Variants in GIPC3 observed in about 807,000 individuals in gnomAD.
GIPC3 encodes PDZ domain-containing protein GIPC3.
A neutral mutation model predicts 27.3 loss-of-function variants in GIPC3; 16 were observed. The observed-to-expected ratio is 0.59, with a 90% CI of 0.40 to 0.89. The LOEUF is 0.89. Ranked by LOEUF, GIPC3 falls within the 40% of genes least tolerant of loss-of-function variation. GIPC3 has a pLI of 0.00. For missense variants in GIPC3, 440 were observed against 442.1 expected, an observed-to-expected ratio of 1.00 and a Z score of 0.04; for synonymous variants, 194 against 184.6, an observed-to-expected ratio of 1.05 and a Z score of -0.41.
rs1235300165 is a variant in GIPC3, at chr19:3,592,281, G to A, written c.*2091G>A. 2.0e-5 allele frequency: 25 copies of A among 1,231,962 alleles called. No individual in the cohort carries two copies. Among genetic ancestry groups the A allele is most frequent in the Non-Finnish European group, 2.3e-5 (23 of 988,030 alleles). 76.3% of individuals were successfully genotyped at this position (1,231,962 alleles called of 1,614,324 possible). A position where few individuals can be genotyped will look rare whatever the true frequency, so the allele number is the denominator to read the frequency against. On this transcript the variant is annotated 3_prime_UTR_variant, in exon 6 of 6. Coordinates refer to ENST00000644452, the MANE Select transcript of GIPC3 (RefSeq NM_133261.3). ...ATACCAGCTCCAGACCACAGCCCCA[G>A]ACAGCTCTGGTATTCAACTGGACTT...
chr19:3,585,975 C>A (rs1244244839), intron 1 of GIPC3, among the ~76,000 whole-genome samples, 153 bp downstream of exon 1: 1 of 152,224 alleles, frequency 6.6e-6, no homozygotes, highest in East Asian at 1.9e-4. Flanking sequence ...GCCCTCAGAT[C>A]CCGGGGTGCC....
chr19:3,585,738 C>G lies in GIPC3; in HGVS notation c.141C>G (p.Ser47Arg), dbSNP rs1182402374. The G allele has an allele frequency of 6.5e-7, 1 of 1,537,188 alleles. No individual in the cohort carries two copies. The change falls in exon 1 of 6, where the codon AGC (serine) becomes AGG (arginine). Residue 47 changes from serine (S) to arginine (R), a missense_variant. By Grantham distance (110) the Ser-to-Arg change is moderately radical. Transcript: ENST00000644452. ...LVFRTQLAHG[S>R]PTGKIEGFTN... ...TCCGCACGCAGCTGGCGCACGGGAG[C>G]CCCACGGGCAAGATCGAGGGCTTCA...
Position 3,591,418 on chromosome 19 carries a change from C to T in GIPC3, c.*1228C>T. The stretch of plus-strand genomic sequence containing the variant: ...ATCCAGGCTAGCTCGGAGACCAAGC[C>T]CTGCTGGAAAACTCAAGCTGACTCT... On this transcript the variant is annotated 3_prime_UTR_variant, in exon 6 of 6. Coordinates refer to ENST00000644452, the MANE Select transcript of GIPC3 (RefSeq NM_133261.3). 8.1e-7 allele frequency: 1 copy of T among 1,232,298 alleles called. No homozygotes were observed. Among genetic ancestry groups the T allele is most frequent in the Non-Finnish European group, 1.0e-6 (1 of 988,154 alleles). The allele number at this position is 1,232,298 out of a possible 1,614,324, so 76.3% of individuals were successfully genotyped here. A position where few individuals can be genotyped will look rare whatever the true frequency, so the allele number is the denominator to read the frequency against.
rs112193642 is a variant in GIPC3 at position 3,592,354 on chromosome 19, C to A, written c.*2164C>A. On this transcript the variant is annotated 3_prime_UTR_variant, in exon 6 of 6. Coordinates refer to ENST00000644452, the MANE Select transcript of GIPC3 (RefSeq NM_133261.3). Reference sequence around the variant, plus strand: ...AGTCAGCTTAGCTTTGGAACTCAGCCCAGCTCTGGGACCCAGATAAGCTCA... The same window carrying A: ...AGTCAGCTTAGCTTTGGAACTCAGCACAGCTCTGGGACCCAGATAAGCTCA... 4.8e-4 allele frequency: 588 copies of A among 1,232,062 alleles called. 1 individual carries two copies. In the African/African-American group the frequency reaches 7.4e-3, roughly 16 times the overall value. The allele number at this position is 1,232,062 out of a possible 1,614,324, so 76.3% of individuals were successfully genotyped here. A position where few individuals can be genotyped will look rare whatever the true frequency, so the allele number is the denominator to read the frequency against.
Position 3,590,180 on chromosome 19 carries a change from C to A in GIPC3, c.929C>A (p.Ala310Asp), listed in dbSNP as rs764255349. ...GCCGCCATCGGCGAGGCCAGAGAGG[C>A]CTGTGGCTAGTTTGCCCTGGGGGGG... ...VWAAIGEARE[A>D]CG Residue 310 changes from alanine to aspartate, a missense_variant, in exon 6 of 6, where the codon GCC becomes GAC. Coordinates refer to ENST00000644452, the MANE Select transcript of GIPC3 (RefSeq NM_133261.3). 1 of 1,599,864 alleles carries A rather than the reference C, an allele frequency of 6.3e-7. No homozygotes were observed. The highest frequency in any genetic ancestry group is 8.5e-7 in the Non-Finnish European group (1 of 1,174,220).
intron 3 of GIPC3, among the ~76,000 whole-genome samples, chr19:3,588,050 G>A (rs1018762051): frequency 6.6e-6 from 1 of 151,562 alleles, no homozygotes; most frequent in Admixed American, 6.6e-5. Flanking sequence ...TGTTGCCCAG[G>A]CTGGAGTGCA....
chr19:3,589,637 TC>T, intron 4 of GIPC3, 82 bp downstream of exon 4: 10 of 1,286,144 alleles, frequency 7.8e-6, no homozygotes, highest in Non-Finnish European at 1.1e-5. Context: ...GGTAAGAACT[TC>T]TCCTCGGAGC....
In GIPC3 at chr19:3,586,846, C is replaced by T; in HGVS notation, c.444C>T (p.Ile148=). The T allele has an allele frequency of 6.2e-7, 1 of 1,613,622 alleles. No individual in the cohort carries two copies. Among genetic ancestry groups the T allele is most frequent in the Non-Finnish European group, 8.5e-7 (1 of 1,179,984 alleles). ...AGGAAGGCAGTATCATCAACCGGATCGAGGCAGTGTGCGTGGGTGACAGCA... is the reference window on the plus strand; with the variant it reads ...AGGAAGGCAGTATCATCAACCGGATTGAGGCAGTGTGCGTGGGTGACAGCA... ...RIKEGSIINR[I]EAVCVGDSIE... The change falls in exon 3 of 6, where the codon ATC becomes ATT. Residue 148 remains isoleucine (I), a synonymous_variant. Coordinates refer to ENST00000644452, the MANE Select transcript of GIPC3 (RefSeq NM_133261.3).
intron 2 of GIPC3, 66 bp downstream of exon 2, chr19:3,586,746 G>A (rs2032374039): frequency 1.2e-6 from 2 of 1,610,594 alleles, no homozygotes; most frequent in Non-Finnish European, 1.7e-6. Flanking sequence ...ACTCTGGGTC[G>A]ACGTGGGTTC....
rs2032378309 is a variant in GIPC3 at position 3,586,936 on chromosome 19, G to A, written c.534G>A (p.Arg178=). 6.2e-7 allele frequency: 1 copy of A among 1,613,254 alleles called. No homozygotes were observed. Among genetic ancestry groups the A allele is most frequent in the African/African-American group, 1.3e-5 (1 of 74,944 alleles). The part of the protein sequence containing the change: ...CRHYEVAKML[R]ELPKSQPFTL... Reference sequence around the variant, plus strand: ...ACTACGAGGTGGCCAAGATGCTCCGGGAGCTGCCCAAGTCCCAGCCCTTCA... The same window carrying A: ...ACTACGAGGTGGCCAAGATGCTCCGAGAGCTGCCCAAGTCCCAGCCCTTCA... Residue 178 remains arginine (R), a synonymous_variant, in exon 3 of 6, where the codon CGG becomes CGA. Coordinates refer to ENST00000644452, the MANE Select transcript of GIPC3 (RefSeq NM_133261.3).
At position 3,593,433 on chromosome 19, in the gene GIPC3, G is replaced by A. The variant is rs919763718; in HGVS notation, c.*3243G>A. 2.5e-5 allele frequency: 17 copies of A among 685,044 alleles called. No individual in the cohort carries two copies. Among genetic ancestry groups the A allele is most frequent in the South Asian group, 1.6e-4 (2 of 12,754 alleles). The allele number at this position is 685,044 out of a possible 1,614,324, so 42.4% of individuals were successfully genotyped here. On this transcript the variant is annotated 3_prime_UTR_variant, in exon 6 of 6. Coordinates refer to ENST00000644452, the MANE Select transcript of GIPC3 (RefSeq NM_133261.3). ...CGGTGGTGAAAACAGGGGCTTCACCGGTCCTGGCTCAGATCCAGGTCCTTG... is the reference window on the plus strand; with the variant it reads ...CGGTGGTGAAAACAGGGGCTTCACCAGTCCTGGCTCAGATCCAGGTCCTTG...
rs1264959362 is a variant in GIPC3 at position 3,592,128 on chromosome 19, G to A, written c.*1938G>A. On this transcript the variant is annotated 3_prime_UTR_variant, in exon 6 of 6. Coordinates refer to ENST00000644452, the MANE Select transcript of GIPC3 (RefSeq NM_133261.3). ...TAGTCCTGGGACCCAGGCCATCGCA[G>A]CAATAGAATTAAGCTCCACAGCCCT... The A allele has an allele frequency of 4.1e-6, 5 of 1,231,742 alleles. No homozygotes were observed. The highest frequency in any genetic ancestry group is 8.2e-5 in the South Asian group (2 of 24,306). 76.3% of individuals were successfully genotyped at this position (1,231,742 alleles called of 1,614,324 possible). A position where few individuals can be genotyped will look rare whatever the true frequency, so the allele number is the denominator to read the frequency against.
Position 3,585,647 on chromosome 19 carries a change from C to G in GIPC3, c.50C>G (p.Ala17Gly), listed in dbSNP as rs876657815. ...REARGTETPR[A>G]SAPPPAPSEP... ...GCCCGGGGGACCGAGACCCCGCGCG[C>G]GTCTGCGCCCCCGCCCGCGCCCTCG... is the stretch of plus-strand genomic sequence containing the variant. Residue 17 changes from alanine (A) to glycine (G), a missense_variant, in exon 1 of 6, where the codon GCG becomes GGG. Coordinates refer to ENST00000644452, the MANE Select transcript of GIPC3 (RefSeq NM_133261.3). 53 of 1,206,654 alleles carry G rather than the reference C, an allele frequency of 4.4e-5. No individual in the cohort carries two copies. The highest frequency in any genetic ancestry group is 6.5e-4 in the Middle Eastern group (2 of 3,058). The allele number at this position is 1,206,654 out of a possible 1,614,324, so 74.7% of individuals were successfully genotyped here.
At position 3,589,489 on chromosome 19, in the gene GIPC3, G is replaced by GA; in HGVS notation, c.642dup (p.Val215SerfsTer24). The GA allele has an allele frequency of 6.2e-7, 1 of 1,614,070 alleles. No homozygotes were observed. Among genetic ancestry groups the GA allele is most frequent in the Non-Finnish European group, 8.5e-7 (1 of 1,180,022 alleles). On this transcript the variant is annotated frameshift_variant, in exon 4 of 6. Transcript: ENST00000644452. LOFTEE classifies it high-confidence loss of function. ...GGTCCAGCAAATGTCCAGTAGAGGC[G>GA]AAAGTGACCAGCGGGAGGGAGACCC...
Position 3,591,443 on chromosome 19 carries a change from T to C in GIPC3, c.*1253T>C. 1.6e-6 allele frequency: 2 copies of C among 1,232,350 alleles called. No individual in the cohort carries two copies. The highest frequency in any genetic ancestry group is 2.0e-6 in the Non-Finnish European group (2 of 988,204). The allele number at this position is 1,232,350 out of a possible 1,614,324, so 76.3% of individuals were successfully genotyped here. ...CCTGCTGGAAAACTCAAGCTGACTC[T>C]GGAACTCTGGACAGCTCCACGATGC... On this transcript the variant is annotated 3_prime_UTR_variant, in exon 6 of 6. Coordinates refer to ENST00000644452, the MANE Select transcript of GIPC3 (RefSeq NM_133261.3).
At chr19:3,587,145 G>T in intron 3 of GIPC3, 151 bp downstream of exon 3, 1 of 646,428 alleles carries the variant, frequency 1.5e-6, no homozygotes, top group Non-Finnish European at 2.6e-6. Flanking sequence ...AAACTCGTAG[G>T]TAGTTTCTAT....
In GIPC3 at chr19:3,585,836, A is replaced by T; in HGVS notation, c.225+14A>T. Reference sequence around the variant, plus strand: ...GCGCCCACCGAGGTAAGGAGCCCGGACACCGGCGCCCAAGACCACCCGCCT... The same window carrying T: ...GCGCCCACCGAGGTAAGGAGCCCGGTCACCGGCGCCCAAGACCACCCGCCT... On this transcript the variant is annotated intron_variant, in intron 1 of 5. Coordinates refer to ENST00000644452, the MANE Select transcript of GIPC3 (RefSeq NM_133261.3). 1 of 1,539,564 alleles carries T rather than the reference A, an allele frequency of 6.5e-7. No homozygotes were observed.
At chr19:3,586,234 T>A (rs1379657413) in intron 1 of GIPC3, among the ~76,000 whole-genome samples, 1 of 151,524 alleles carries the variant, frequency 6.6e-6, no homozygotes, top group Non-Finnish European at 1.5e-5. Flanking sequence ...CCAATCCGGG[T>A]TCGTTTGGTT....
chr19:3,585,932 G>A, intron 1 of GIPC3, 110 bp downstream of exon 1: 1 of 1,455,356 alleles, frequency 6.9e-7, no homozygotes, highest in South Asian at 1.3e-5. Context: ...AGACGTCGGG[G>A]TGGCCGCCTA....
Sources: gnomAD v4.1 joint callset for allele counts (sites outside exome capture counted in the v4.1 genomes callset) on GRCh38, gnomAD v4.1.1 for gene constraint, MANE v1.5 for transcripts, NCBI Gene and HGNC (gene_info 2026-07-23, HGNC 2026-07-21) for gene names.